The following C4BPA variants were observed in gnomAD, a reference collection of about 807,000 sequenced individuals.
C4BPA encodes complement component 4 binding protein alpha.
In C4BPA, 31 loss-of-function variants were observed where a neutral mutation model predicts 63.7. The observed-to-expected ratio is 0.49, with a 90% CI of 0.37 to 0.66. C4BPA has a LOEUF of 0.66. C4BPA is among the 30% of genes least tolerant of loss of function. C4BPA has a pLI of 0.00. For missense variants in C4BPA, 572 were observed against 723.3 expected (o/e 0.79, Z 2.40); for synonymous variants, 259 against 254.7 (o/e 1.02, Z -0.16).
At chr1:207,108,625 A>G (rs1001189690) in intron 1 of C4BPA, among the ~76,000 whole-genome samples, 2 of 152,252 alleles carry the variant, frequency 1.3e-5, no homozygotes, top group African/African-American at 4.8e-5. Flanking sequence ...AAGGAATAAG[A>G]CAGAATAAAA....
chr1:207,108,907 G>C (rs1177181282), intron 1 of C4BPA, among the ~76,000 whole-genome samples: 2 of 152,054 alleles, frequency 1.3e-5, no homozygotes, highest in Non-Finnish European at 2.9e-5. Flanking sequence ...ATTTTTAGTA[G>C]AGACGGGGTT....
rs202143924 is a variant in C4BPA at position 207,126,751 on chromosome 1, A to G, written c.745A>G (p.Met249Val). ...CAAGCCAGATGTTTCACATGGGGAA[A>G]TGGTCTCTGGATTTGGACCCATCTA... ...CRKPDVSHGE[M>V]VSGFGPIYNY... Residue 249 changes from methionine to valine, a missense_variant, in exon 7 of 12, where the codon ATG becomes GTG. Physicochemically the swap from Met to Val is conservative, Grantham distance 21. Coordinates refer to ENST00000367070, the MANE Select transcript of C4BPA (RefSeq NM_000715.4). 1.2e-6 allele frequency: 2 copies of G among 1,610,872 alleles called. No homozygotes were observed. Among genetic ancestry groups the G allele is most frequent in the East Asian group, 4.5e-5 (2 of 44,770 alleles).
chr1:207,134,967 C>T (rs540497803), intron 9 of C4BPA, among the ~76,000 whole-genome samples: 1 of 152,312 alleles, frequency 6.6e-6, no homozygotes, highest in South Asian at 2.1e-4. Context: ...CTTCCTCAAA[C>T]AGCAGCCTTC....
Position 207,114,150 on chromosome 1 carries a change from A to G in C4BPA, c.193A>G (p.Thr65Ala). 1.2e-6 allele frequency: 2 copies of G among 1,613,792 alleles called. No individual in the cohort carries two copies. The highest frequency in any genetic ancestry group is 4.5e-5 in the East Asian group (2 of 44,864). ...TLSFAAPMDI[T>A]LTETRFKTGT... Reference sequence around the variant, plus strand: ...ATCATTTGCTGCCCCGATGGATATTACGTTGACTGAGACACGCTTCAAAAC... The same window carrying G: ...ATCATTTGCTGCCCCGATGGATATTGCGTTGACTGAGACACGCTTCAAAAC... The change falls in exon 3 of 12, where the codon ACG becomes GCG. Residue 65 changes from threonine (T) to alanine (A), a missense_variant. Physicochemically the swap from Thr to Ala is moderately conservative, Grantham distance 58. Coordinates refer to ENST00000367070, the MANE Select transcript of C4BPA (RefSeq NM_000715.4).
chr1:207,113,608 T>TA (rs968869484), intron 2 of C4BPA, among the ~76,000 whole-genome samples: 2 of 151,988 alleles, frequency 1.3e-5, no homozygotes, highest in Admixed American at 6.6e-5. Context: ...CAAACAGATG[T>TA]AAAAAAAATA....
At chr1:207,112,576 T>C (rs540282628) in intron 1 of C4BPA, among the ~76,000 whole-genome samples, 3 of 152,354 alleles carry the variant, frequency 2.0e-5, no homozygotes, top group African/African-American at 7.2e-5. Flanking sequence ...AGCACTTTTA[T>C]TCCCCAAGGA....
rs1684968494 is a variant in C4BPA, at chr1:207,123,791, T to C, written c.429-131T>C. ...AAATTTTACTGAATGGAGTGCTTAA[T>C]GGGAAATGATATCCAAGAACATATG... On this transcript the variant is annotated intron_variant, in intron 4 of 11. Transcript: ENST00000367070. 4.8e-6 allele frequency: 3 copies of C among 621,002 alleles called. No individual in the cohort carries two copies. The South Asian group carries it at 6.2e-5, about 13-fold the overall frequency. 38.5% of individuals were successfully genotyped at this position (621,002 alleles called of 1,614,324 possible).
intron 7 of C4BPA, 105 bp from the exon 8 acceptor site, chr1:207,131,441 G>A (rs1003263079): frequency 6.7e-6 from 5 of 743,396 alleles, no homozygotes; most frequent in Non-Finnish European, 1.1e-5. Context: ...CTGGTTCCAG[G>A]CTGAATGAAC....
At chr1:207,120,991 A>G (rs946007002) in intron 4 of C4BPA, among the ~76,000 whole-genome samples, 2 of 152,190 alleles carry the variant, frequency 1.3e-5, no homozygotes, top group East Asian at 1.9e-4. Context: ...AAACTTTTGT[A>G]GAGATGAGGT....
At chr1:207,130,146 G>A (rs1685129885) in intron 7 of C4BPA, among the ~76,000 whole-genome samples, 1 of 152,166 alleles carries the variant, frequency 6.6e-6, no homozygotes, top group Non-Finnish European at 1.5e-5. Flanking sequence ...GATGCTCATT[G>A]TTTTACTGTG....
At chr1:207,134,367 A>T in intron 8 of C4BPA, 37 bp from the exon 9 acceptor site, 1 of 1,514,076 alleles carries the variant, frequency 6.6e-7, no homozygotes, top group Non-Finnish European at 9.1e-7. Context: ...CCTCATGGTG[A>T]TTTTACTAAC....
intron 7 of C4BPA, among the ~76,000 whole-genome samples, chr1:207,128,720 A>C (rs1000188784): frequency 1.3e-5 from 2 of 152,238 alleles, no homozygotes; most frequent in African/African-American, 4.8e-5. Flanking sequence ...GCACACTTTG[A>C]AGGAAACAGA....
intron 4 of C4BPA, 35 bp downstream of exon 4, chr1:207,115,550 T>C (rs374408900): frequency 2.6e-6 from 3 of 1,165,922 alleles, no homozygotes; most frequent in African/African-American, 1.6e-5. Context: ...AATTCTTTTA[T>C]ATTTATTTAA....
intron 4 of C4BPA, among the ~76,000 whole-genome samples, chr1:207,119,479 T>C (rs1189560556): frequency 1.1e-5 from 1 of 93,798 alleles, no homozygotes; most frequent in African/African-American, 3.0e-5. Context: ...CCTTGTCAAA[T>C]GTGATATTTG....
rs905722793 is a variant in C4BPA at position 207,106,457 on chromosome 1, T to TTTTTTTTTTTTG, written c.-26+2027_-26+2028insTTTTTTTTTTTG. On this transcript the variant is annotated intron_variant, in intron 1 of 11. Transcript: ENST00000367070. ...TCCGTGTAAGTTTTTTTTTTTTTTT[T>TTTTTTTTTTTTG]GAAACGGAGTCTCGCTTTGTTGCCC... Among the ~76,000 whole-genome samples, 152 of 129,600 alleles carry TTTTTTTTTTTTG rather than the reference T, an allele frequency of 1.2e-3. 3 individuals are homozygous for TTTTTTTTTTTTG. Among genetic ancestry groups the TTTTTTTTTTTTG allele is most frequent in the African/African-American group, 4.9e-3 (149 of 30,126 alleles). 85.0% of individuals were successfully genotyped at this position (129,600 alleles called of 152,430 possible).
At position 207,124,351 on chromosome 1, in the gene C4BPA, C is replaced by T. The variant is rs1684987408; in HGVS notation, c.691C>T (p.Pro231Ser). ...NETIGVWRPS[P>S]PTCEKITCRK... is the part of the protein sequence containing the mutation. ...AACAATAGGTGTTTGGAGACCAAGC[C>T]CTCCTACCTGTGAAAGTAAGTCATA... Residue 231 changes from proline (P) to serine (S), a missense_variant, in exon 6 of 12, where the codon CCT (proline) becomes TCT (serine). Physicochemically the swap from Pro to Ser is moderately conservative, Grantham distance 74 (BLOSUM62 -1). This residue lies in a region of C4BPA where 465 missense variants were observed against 629.4 expected (regional missense o/e 0.74). Coordinates refer to ENST00000367070, the MANE Select transcript of C4BPA (RefSeq NM_000715.4). The T allele has an allele frequency of 1.2e-6, 2 of 1,610,434 alleles. No homozygotes were observed. The highest frequency in any genetic ancestry group is 8.5e-7 in the Non-Finnish European group (1 of 1,177,298).
chr1:207,115,227 T>C (rs1684759513), intron 3 of C4BPA, among the ~76,000 whole-genome samples, 189 bp from the exon 4 acceptor site: 1 of 152,194 alleles, frequency 6.6e-6, no homozygotes, highest in African/African-American at 2.4e-5. Context: ...ATTGGTAAAA[T>C]GTACCAGAAA....
At chr1:207,118,094 T>C (rs1430393234) in intron 4 of C4BPA, among the ~76,000 whole-genome samples, 1 of 151,674 alleles carries the variant, frequency 6.6e-6, no homozygotes, top group African/African-American at 2.4e-5. Context: ...TTATCCAATT[T>C]GTATTGTAAC....
intron 1 of C4BPA, among the ~76,000 whole-genome samples, chr1:207,111,402 G>T (rs562126898): frequency 6.6e-6 from 1 of 152,184 alleles, no homozygotes; most frequent in Non-Finnish European, 1.5e-5. Context: ...GAATTGCCCC[G>T]GTGGGGATGT....
Sources: gnomAD v4.1 joint callset for allele counts (sites outside exome capture counted in the v4.1 genomes callset) on GRCh38, gnomAD v4.1.1 for gene constraint, gnomAD v4.1.1 regional missense constraint, MANE v1.5 for transcripts, NCBI Gene and HGNC (gene_info 2026-07-23, HGNC 2026-07-21) for gene names.